Variants in OXR1 observed in about 807,000 individuals in gnomAD.
The protein encoded by OXR1 is oxidation resistance 1.
OXR1 carries 41 observed loss-of-function variants against 104.6 expected under a neutral mutation model. That is an observed-to-expected ratio of 0.39 (90% CI 0.31 to 0.51). The LOEUF is 0.51. OXR1 is among the 20% of genes least tolerant of loss of function. The probability of loss-of-function intolerance (pLI) is 0.77; values close to 1 mark genes in which losing one functional copy is unlikely to be tolerated. For missense variants in OXR1, 955 were observed against 1,031.9 expected, an observed-to-expected ratio of 0.93 and a Z score of 1.02; for synonymous variants, 348 against 348.4, an observed-to-expected ratio of 1.00 and a Z score of 0.01.
chr8:106,681,499 A>G (rs776477543), intron 4 of OXR1, among the ~76,000 whole-genome samples: 1 of 152,094 alleles, frequency 6.6e-6, no homozygotes, highest in Non-Finnish European at 1.5e-5. Context: ...CTATAACCTA[A>G]TTCTAAATGC....
chr8:106,662,554 T>G (rs368617527), intron 3 of OXR1, among the ~76,000 whole-genome samples: 3 of 152,262 alleles, frequency 2.0e-5, no homozygotes, highest in African/African-American at 7.2e-5. Flanking sequence ...ACAAAACATA[T>G]AGTGCTTGCT....
chr8:106,666,647 G>A (rs1251936531), intron 3 of OXR1, among the ~76,000 whole-genome samples: 2 of 152,160 alleles, frequency 1.3e-5, no homozygotes, highest in African/African-American at 4.8e-5. Context: ...ATTGCTAAGA[G>A]GTAACGTCAG....
chr8:106,562,434 G>A (rs1298818236), intron 3 of OXR1, among the ~76,000 whole-genome samples: 1 of 152,046 alleles, frequency 6.6e-6, no homozygotes, highest in Non-Finnish European at 1.5e-5. Context: ...AGGAATGAAA[G>A]TGAATGAACA....
At chr8:106,623,960 G>T (rs1821939686) in intron 3 of OXR1, among the ~76,000 whole-genome samples, 1 of 152,146 alleles carries the variant, frequency 6.6e-6, no homozygotes, top group Non-Finnish European at 1.5e-5. Context: ...TTTCCAAATT[G>T]TTATTTTTGC....
At chr8:106,382,690 T>G (rs1224328618) in intron 2 of OXR1, among the ~76,000 whole-genome samples, 6 of 137,344 alleles carry the variant, frequency 4.4e-5, no homozygotes, top group Admixed American at 2.1e-4. Context: ...AGGTTTTTTT[T>G]TTTTTTTTTT....
chr8:106,551,391 T>C (rs1306765259), intron 3 of OXR1, among the ~76,000 whole-genome samples: 1 of 152,214 alleles, frequency 6.6e-6, no homozygotes, highest in Non-Finnish European at 1.5e-5. Flanking sequence ...TCTATTCACT[T>C]AAGGTATAAA....
chr8:106,541,531 A>T (rs554385704), intron 3 of OXR1, among the ~76,000 whole-genome samples: 2 of 152,356 alleles, frequency 1.3e-5, no homozygotes, highest in South Asian at 4.1e-4. Context: ...GCTAGCATGT[A>T]CTGCATGTTT....
At chr8:106,562,691 A>T (rs1586816058) in intron 3 of OXR1, among the ~76,000 whole-genome samples, 1 of 152,188 alleles carries the variant, frequency 6.6e-6, no homozygotes, top group Admixed American at 6.5e-5. Context: ...GGTTGAAATG[A>T]AGGAAAAAAT....
intron 2 of OXR1, among the ~76,000 whole-genome samples, chr8:106,423,475 G>T (rs1818984610): frequency 6.6e-6 from 1 of 152,086 alleles, no homozygotes; most frequent in African/African-American, 2.4e-5. Flanking sequence ...TTATACTCTA[G>T]AAGCAATTTG....
chr8:106,514,900 A>G (rs897453034), intron 2 of OXR1, among the ~76,000 whole-genome samples: 1 of 152,154 alleles, frequency 6.6e-6, no homozygotes, highest in Admixed American at 6.6e-5. Flanking sequence ...ATAATTTCAC[A>G]CCTTTCCTTT....
intron 7 of OXR1, among the ~76,000 whole-genome samples, chr8:106,694,495 AAT>A (rs1350829840): frequency 2.4e-5 from 3 of 126,192 alleles, no homozygotes; most frequent in East Asian, 4.5e-4. Flanking sequence ...TTGATATATA[AAT>A]ATGTTTTTAT....
chr8:106,549,014 A>G (rs1442884931), intron 3 of OXR1, among the ~76,000 whole-genome samples: 1 of 152,224 alleles, frequency 6.6e-6, no homozygotes, highest in African/African-American at 2.4e-5. Flanking sequence ...AAAGTGGCAT[A>G]AAGAAGAAAT....
chr8:106,602,791 A>C (rs1045791397), intron 3 of OXR1, among the ~76,000 whole-genome samples: 1 of 152,122 alleles, frequency 6.6e-6, no homozygotes, highest in African/African-American at 2.4e-5. Context: ...AACAGTAAAA[A>C]CATAAATATT....
intron 16 of OXR1, among the ~76,000 whole-genome samples, chr8:106,749,741 C>G (rs1339820188): frequency 4.6e-5 from 7 of 152,130 alleles, no homozygotes; most frequent in Admixed American, 4.6e-4. Flanking sequence ...AGGGATAGCT[C>G]TCTGGATATT....
At chr8:106,586,152 C>G (rs896139031) in intron 3 of OXR1, among the ~76,000 whole-genome samples, 2 of 151,976 alleles carry the variant, frequency 1.3e-5, no homozygotes, top group African/African-American at 4.8e-5. Context: ...GGAAGCAGAC[C>G]AGTTAGGAAG....
At chr8:106,701,113 T>C (rs1015737504) in intron 7 of OXR1, among the ~76,000 whole-genome samples, 1 of 152,182 alleles carries the variant, frequency 6.6e-6, no homozygotes, top group Non-Finnish European at 1.5e-5. Context: ...TACAAACTGA[T>C]GTGTATGGAT....
chr8:106,373,368 A>AT (rs1033041798), intron 2 of OXR1, among the ~76,000 whole-genome samples: 18 of 152,126 alleles, frequency 1.2e-4, no homozygotes, highest in East Asian at 3.9e-4. Context: ...TAAACAATAA[A>AT]TTTTTTTTAC....
At chr8:106,320,689 G>A (rs78529858) in intron 1 of OXR1, among the ~76,000 whole-genome samples, 1 of 151,256 alleles carries the variant, frequency 6.6e-6, no homozygotes, top group African/African-American at 2.4e-5. Context: ...TGGGGGGGGC[G>A]GGGACAGAGT....
At chr8:106,560,267 G>A (rs1468280587) in intron 3 of OXR1, among the ~76,000 whole-genome samples, 1 of 152,206 alleles carries the variant, frequency 6.6e-6, no homozygotes, top group East Asian at 1.9e-4. Flanking sequence ...GGATAATAAA[G>A]AGAGGTACTG....
Sources: gnomAD v4.1 joint callset for allele counts (sites outside exome capture counted in the v4.1 genomes callset) on GRCh38, gnomAD v4.1.1 for gene constraint, MANE v1.5 for transcripts, NCBI Gene and HGNC (gene_info 2026-07-23, HGNC 2026-07-21) for gene names.